The following NELL2 variants were observed in gnomAD, a reference collection of about 807,000 sequenced individuals.
NELL2 encodes neural EGFL like 2, also known as protein kinase C-binding protein NELL2.
In NELL2, 41 loss-of-function variants were observed where a neutral mutation model predicts 109.6. The ratio of observed to expected loss-of-function variants is 0.37; its 90% CI spans 0.29 to 0.49. The LOEUF is 0.49. NELL2 is among the 20% of genes least tolerant of loss of function. NELL2 has a pLI of 0.98. For missense variants in NELL2, 900 were observed against 1,008.3 expected (o/e 0.89, Z 1.45); for synonymous variants, 355 against 344.7 (o/e 1.03, Z -0.33).
intron 1 of NELL2, among the ~76,000 whole-genome samples, chr12:44,892,253 C>A (rs1185615018): frequency 1.3e-5 from 2 of 152,154 alleles, no homozygotes; most frequent in East Asian, 3.9e-4. Flanking sequence ...GAAATGCCAT[C>A]AGAGTGACAG....
intron 15 of NELL2, among the ~76,000 whole-genome samples, chr12:44,577,116 G>C (rs1347735825): frequency 2.4e-5 from 3 of 126,614 alleles, no homozygotes; most frequent in East Asian, 2.2e-4. Flanking sequence ...CTGAGGAATC[G>C]CCACACTGAC....
At chr12:44,718,054 A>G (rs1284900456) in intron 9 of NELL2, among the ~76,000 whole-genome samples, 3 of 152,224 alleles carry the variant, frequency 2.0e-5, no homozygotes, top group African/African-American at 7.2e-5. Context: ...AGAGCGGAAC[A>G]CAGAAACAAA....
chr12:44,780,589 C>T (rs1941921288), intron 3 of NELL2, among the ~76,000 whole-genome samples: 1 of 151,750 alleles, frequency 6.6e-6, no homozygotes. Flanking sequence ...GTAATGAGGC[C>T]CCCCACAGCA....
intron 2 of NELL2, 142 bp downstream of exon 2, chr12:44,875,083 T>A (rs1241996847): frequency 9.3e-7 from 1 of 1,077,710 alleles, no homozygotes; most frequent in Non-Finnish European, 1.3e-6. Context: ...TAGGGATATG[T>A]GTCTCACACT....
At chr12:44,538,392 T>G (rs1942386787) in intron 15 of NELL2, among the ~76,000 whole-genome samples, 1 of 152,240 alleles carries the variant, frequency 6.6e-6, no homozygotes, top group African/African-American at 2.4e-5. Context: ...ATCTAATATG[T>G]GCACATTCCA....
intron 11 of NELL2, among the ~76,000 whole-genome samples, chr12:44,709,633 TA>T (rs1033706812): frequency 5.2e-4 from 79 of 152,320 alleles, no homozygotes; most frequent in African/African-American, 1.6e-3. Context: ...AGAGAACTAC[TA>T]AAAGTGTGGT....
chr12:44,566,076 G>A (rs1943646584), intron 15 of NELL2, among the ~76,000 whole-genome samples: 2 of 152,150 alleles, frequency 1.3e-5, no homozygotes, highest in Admixed American at 6.6e-5. Context: ...GTTCAGATGA[G>A]GGATGATAAG....
intron 15 of NELL2, among the ~76,000 whole-genome samples, chr12:44,574,389 G>T (rs912179250): frequency 1.3e-5 from 2 of 152,034 alleles, no homozygotes; most frequent in African/African-American, 4.8e-5. Context: ...ACAAAAATCT[G>T]GTGGGGTAAT....
chr12:44,831,441 G>T (rs1430972599), intron 2 of NELL2, among the ~76,000 whole-genome samples: 4 of 152,024 alleles, frequency 2.6e-5, no homozygotes, highest in Admixed American at 2.6e-4. Flanking sequence ...TGAGAATTCT[G>T]CAATGAAGAT....
chr12:44,670,757 T>C (rs1019392158), intron 12 of NELL2, among the ~76,000 whole-genome samples: 1 of 151,858 alleles, frequency 6.6e-6, no homozygotes, highest in African/African-American at 2.4e-5. Context: ...GATACAACAA[T>C]TGTAATTGTA....
chr12:44,612,731 G>A (rs17094882), intron 13 of NELL2, among the ~76,000 whole-genome samples: 43,811 of 151,710 alleles, frequency 0.29, 6,543 homozygotes, highest in East Asian at 0.5. Flanking sequence ...TCGAAGTGCC[G>A]CAGTTAATCT....
At chr12:44,756,347 C>T (rs1940888807) in intron 9 of NELL2, among the ~76,000 whole-genome samples, 1 of 152,002 alleles carries the variant, frequency 6.6e-6, no homozygotes, top group South Asian at 2.1e-4. Flanking sequence ...CTCTCAAATG[C>T]TAGTGAATAC....
At chr12:44,658,876 C>CAAAAA (rs758903947) in intron 13 of NELL2, among the ~76,000 whole-genome samples, 13 of 97,558 alleles carry the variant, frequency 1.3e-4, no homozygotes, top group African/African-American at 3.0e-4. Context: ...GACTCTGTCT[C>CAAAAA]CAAAAAAAAA....
chr12:44,750,121 G>T (rs750694786), intron 9 of NELL2, among the ~76,000 whole-genome samples: 37 of 152,248 alleles, frequency 2.4e-4, no homozygotes, highest in Non-Finnish European at 4.4e-4. Flanking sequence ...CTAGAAAAGT[G>T]TCATTCTTCA....
At chr12:44,808,598 TTAAA>T (rs890990228) in intron 3 of NELL2, among the ~76,000 whole-genome samples, 15 of 151,982 alleles carry the variant, frequency 9.9e-5, no homozygotes, top group Non-Finnish European at 1.6e-4. Context: ...AAGTTATTTA[TTAAA>T]TAAAGTGCAA....
exon 1 of NELL2, chr12:44,913,887 A>C (rs996794927): frequency 3.4e-6 from 2 of 581,568 alleles, no homozygotes; most frequent in Admixed American, 8.2e-5. Flanking sequence ...AGATTGAATA[A>C]AGCATCTTCC....
intron 9 of NELL2, among the ~76,000 whole-genome samples, chr12:44,736,136 G>A (rs1264186866): frequency 2.0e-5 from 3 of 148,330 alleles, no homozygotes; most frequent in East Asian, 4.2e-4. Context: ...TCAGCCTCCC[G>A]AGTAGCTGGG....
chr12:44,735,117 T>C, intron 9 of NELL2, among the ~76,000 whole-genome samples: 1 of 152,172 alleles, frequency 6.6e-6, no homozygotes, highest in East Asian at 1.9e-4. Flanking sequence ...TTACCGTGTC[T>C]AGATCTCATG....
chr12:44,886,661 A>G (rs1013706709), intron 1 of NELL2, among the ~76,000 whole-genome samples: 2 of 152,002 alleles, frequency 1.3e-5, no homozygotes, highest in South Asian at 4.1e-4. Context: ...TTATGTTAGA[A>G]CCATCCAAAT....
Sources: gnomAD v4.1 joint callset for allele counts (sites outside exome capture counted in the v4.1 genomes callset) on GRCh38, gnomAD v4.1.1 for gene constraint, MANE v1.5 for transcripts, NCBI Gene and HGNC (gene_info 2026-07-23, HGNC 2026-07-21) for gene names.